TAFA1: variants seen among roughly 807,000 people sequenced by gnomAD.
TAFA1 encodes chemokine-like protein TAFA-1.
TAFA1 carries 4 observed loss-of-function variants against 18.5 expected under a neutral mutation model. That is an observed-to-expected ratio of 0.22 (90% CI 0.11 to 0.49). The LOEUF (loss-of-function observed/expected upper bound fraction) is 0.49. Among genes scored for constraint, TAFA1 ranks in the 20% least tolerant of loss-of-function variants. The pLI, the probability that TAFA1 is intolerant of heterozygous loss-of-function variation, is 0.98. For missense variants in TAFA1, 147 were observed against 169.0 expected, an observed-to-expected ratio of 0.87 and a Z score of 0.72; for synonymous variants, 56 against 55.2, an observed-to-expected ratio of 1.01 and a Z score of -0.06.
chr3:68,205,039 T>G (rs954500029), intron 2 of TAFA1, among the ~76,000 whole-genome samples: 5 of 151,874 alleles, frequency 3.3e-5, no homozygotes, highest in African/African-American at 1.2e-4. Flanking sequence ...TGACCTTGAA[T>G]GTAATGTGTT....
chr3:68,143,358 A>G (rs1411175483), intron 2 of TAFA1, among the ~76,000 whole-genome samples: 24 of 152,170 alleles, frequency 1.6e-4, no homozygotes, highest in Admixed American at 1.6e-3. Context: ...ATGATTCTGA[A>G]TCATAAGAAA....
intron 2 of TAFA1, among the ~76,000 whole-genome samples, chr3:68,399,776 C>T (rs769510276): frequency 6.6e-6 from 1 of 152,094 alleles, no homozygotes; most frequent in South Asian, 2.1e-4. Flanking sequence ...AGTTGGAACA[C>T]TAAAACTTAA....
chr3:68,186,015 C>CA (rs1446074802), intron 2 of TAFA1, among the ~76,000 whole-genome samples: 4 of 151,994 alleles, frequency 2.6e-5, no homozygotes, highest in Admixed American at 2.6e-4. Context: ...TGCTCCTTGT[C>CA]AAAAAGGGAG....
At chr3:68,011,230 A>G (rs934003553) in intron 2 of TAFA1, among the ~76,000 whole-genome samples, 1 of 152,146 alleles carries the variant, frequency 6.6e-6, no homozygotes, top group African/African-American at 2.4e-5. Flanking sequence ...CAGTAATTTT[A>G]AATTATATAG....
intron 3 of TAFA1, among the ~76,000 whole-genome samples, chr3:68,475,709 G>C (rs2072080625): frequency 6.6e-6 from 1 of 152,148 alleles, no homozygotes; most frequent in East Asian, 1.9e-4. Flanking sequence ...GGTATTTCTA[G>C]TTCTAGATCC....
At chr3:68,157,590 T>G (rs1348677779) in intron 2 of TAFA1, among the ~76,000 whole-genome samples, 3 of 152,230 alleles carry the variant, frequency 2.0e-5, no homozygotes, top group Non-Finnish European at 4.4e-5. Context: ...CTCCCAGGTT[T>G]TATGTTTCCC....
rs924763121 is a variant in TAFA1 at position 68,145,031 on chromosome 3, G to A, written c.118+138287G>A. ...GCCAGTGGCGGTGATGGCAGAAAGC[G>A]CCTTTAGTTTCAAAAAGTTGCTGGA... On this transcript the variant is annotated intron_variant, in intron 2 of 4. Transcript: ENST00000478136. 80 of 1,605,142 alleles carry A rather than the reference G, an allele frequency of 5.0e-5. No homozygotes were observed. The East Asian group carries it at 9.2e-4, about 18-fold the overall frequency.
intron 2 of TAFA1, among the ~76,000 whole-genome samples, chr3:68,225,843 T>C (rs1229996406): frequency 3.3e-5 from 5 of 151,472 alleles, no homozygotes; most frequent in South Asian, 2.1e-4. Flanking sequence ...TCTGTGAAAA[T>C]GAAGCAATAA....
intron 3 of TAFA1, among the ~76,000 whole-genome samples, chr3:68,474,059 C>G (rs1056123889): frequency 8.4e-5 from 12 of 142,572 alleles, no homozygotes; most frequent in African/African-American, 2.3e-4. Context: ...ACCCCCCCCC[C>G]CAAGTAAATA....
At chr3:68,531,420 T>G (rs1362639059) in intron 3 of TAFA1, among the ~76,000 whole-genome samples, 1 of 150,854 alleles carries the variant, frequency 6.6e-6, no homozygotes, top group Non-Finnish European at 1.5e-5. Flanking sequence ...AAGTGCACAG[T>G]TTGACCTTTG....
At chr3:68,186,812 A>G (rs1169192960) in intron 2 of TAFA1, among the ~76,000 whole-genome samples, 2 of 152,062 alleles carry the variant, frequency 1.3e-5, no homozygotes, top group African/African-American at 4.8e-5. Context: ...CAGGCTGCTG[A>G]GGAAGCTCAA....
intron 2 of TAFA1, among the ~76,000 whole-genome samples, chr3:68,062,369 C>T (rs748659575): frequency 1.3e-5 from 2 of 152,118 alleles, no homozygotes; most frequent in African/African-American, 2.4e-5. Flanking sequence ...GCAAATCTTT[C>T]AAAGAGATGC....
intron 2 of TAFA1, among the ~76,000 whole-genome samples, chr3:68,236,561 G>A (rs1055749101): frequency 3.3e-5 from 5 of 152,144 alleles, no homozygotes; most frequent in African/African-American, 1.2e-4. Context: ...ACAGACGTTC[G>A]CTAACCAACT....
chr3:68,329,139 C>A (rs1337617835), intron 2 of TAFA1, among the ~76,000 whole-genome samples: 1 of 149,530 alleles, frequency 6.7e-6, no homozygotes, highest in Non-Finnish European at 1.5e-5. Flanking sequence ...ACCTCCGCCT[C>A]CCGGGTTCAA....
intron 2 of TAFA1, among the ~76,000 whole-genome samples, chr3:68,311,857 G>A (rs186442287): frequency 6.6e-6 from 1 of 152,182 alleles, no homozygotes; most frequent in Non-Finnish European, 1.5e-5. Context: ...TCTGTGTGGA[G>A]CTGTGACCCT....
In TAFA1 at chr3:68,171,209, G is replaced by A. The variant is rs577171275; in HGVS notation, c.118+164465G>A. On this transcript the variant is annotated intron_variant, in intron 2 of 4. Coordinates refer to ENST00000478136, the MANE Select transcript of TAFA1 (RefSeq NM_213609.4). ...AGAGGGAGGTAAAAGAGTTAGTGTT[G>A]GAGTGATACAATGTGAGGAAGACTG... 5.9e-5 allele frequency among the ~76,000 whole-genome samples: 9 copies of A among 152,162 alleles called. No individual in the cohort carries two copies. In the South Asian group the frequency reaches 1.9e-3, roughly 32 times the overall value.
chr3:68,353,268 T>C (rs2069302860), intron 2 of TAFA1, among the ~76,000 whole-genome samples: 1 of 152,108 alleles, frequency 6.6e-6, no homozygotes, highest in Non-Finnish European at 1.5e-5. Flanking sequence ...ACAAGGAGTC[T>C]GTAGCTTTTG....
intron 2 of TAFA1, among the ~76,000 whole-genome samples, chr3:68,142,419 C>A (rs1427974550): frequency 1.3e-5 from 2 of 152,080 alleles, no homozygotes; most frequent in Non-Finnish European, 2.9e-5. Context: ...TCATCCAAAC[C>A]CCCTGTGCTT....
intron 3 of TAFA1, among the ~76,000 whole-genome samples, chr3:68,473,339 T>C (rs2072036237): frequency 6.6e-6 from 1 of 152,148 alleles, no homozygotes; most frequent in Non-Finnish European, 1.5e-5. Context: ...GTATGATGAT[T>C]GATTACAGTG....
Sources: allele counts gnomAD v4.1 joint callset (sites outside exome capture counted in the v4.1 genomes callset), GRCh38; gene constraint gnomAD v4.1.1; transcripts MANE v1.5; gene names NCBI Gene and HGNC (gene_info 2026-07-23, HGNC 2026-07-21).